TCF7L1: variants seen among roughly 807,000 people sequenced by gnomAD.
TCF7L1 encodes the protein transcription factor 7 like 1.
A neutral mutation model predicts 63.7 loss-of-function variants in TCF7L1; 18 were observed. The observed-to-expected ratio is 0.28, with a 90% CI of 0.20 to 0.42. The LOEUF (loss-of-function observed/expected upper bound fraction) is 0.42. Ranked by LOEUF, TCF7L1 falls within the 10% of genes least tolerant of loss-of-function variation. The pLI is 1.00. For synonymous variants in TCF7L1, 355 were observed against 340.9 expected (o/e 1.04, Z -0.46); for missense variants, 654 against 779.3 (o/e 0.84, Z 1.91).
chr2:85,171,562 G>A (rs1405793832), intron 3 of TCF7L1, among the ~76,000 whole-genome samples: 1 of 152,244 alleles, frequency 6.6e-6, no homozygotes, highest in East Asian at 1.9e-4. Flanking sequence ...CAGAGCTTCT[G>A]TTGTGGGTAA....
chr2:85,302,212 T>C (rs1183845212), intron 4 of TCF7L1, among the ~76,000 whole-genome samples: 1 of 152,024 alleles, frequency 6.6e-6, no homozygotes, highest in African/African-American at 2.4e-5. Flanking sequence ...GCCTGTAGTG[T>C]TTGAGATGAC....
At chr2:85,268,882 G>A (rs1037777221) in intron 3 of TCF7L1, among the ~76,000 whole-genome samples, 1 of 152,146 alleles carries the variant, frequency 6.6e-6, no homozygotes, top group Non-Finnish European at 1.5e-5. Flanking sequence ...GTGTGTGACC[G>A]ACCTGGAGGA....
intron 3 of TCF7L1, among the ~76,000 whole-genome samples, chr2:85,190,504 A>G (rs573524888): frequency 1.8e-4 from 28 of 152,184 alleles, no homozygotes; most frequent in African/African-American, 6.5e-4. Context: ...TTGGTGGTAG[A>G]TGTGGAGATG....
At chr2:85,272,280 C>T (rs1573019404) in intron 3 of TCF7L1, among the ~76,000 whole-genome samples, 1 of 152,132 alleles carries the variant, frequency 6.6e-6, no homozygotes, top group African/African-American at 2.4e-5. Flanking sequence ...GAAAATAATT[C>T]ATCTGGGGTT....
At chr2:85,300,497 A>G (rs1681943975) in intron 4 of TCF7L1, among the ~76,000 whole-genome samples, 1 of 152,226 alleles carries the variant, frequency 6.6e-6, no homozygotes, top group African/African-American at 2.4e-5. Context: ...AGCCACCAGC[A>G]GGGCCCAGCT....
chr2:85,290,372 C>T (rs544534302), intron 4 of TCF7L1, among the ~76,000 whole-genome samples: 184 of 152,210 alleles, frequency 1.2e-3, no homozygotes, highest in African/African-American at 4.3e-3. Flanking sequence ...GTTAGGGTCT[C>T]GCTATGTTGC....
At chr2:85,304,498 C>T in intron 7 of TCF7L1, 160 bp downstream of exon 7, 1 of 668,280 alleles carries the variant, frequency 1.5e-6, no homozygotes, top group Non-Finnish European at 2.5e-6. Flanking sequence ...GCGCTCCCCA[C>T]CCCCAGGTCA....
chr2:85,306,112 C>A lies in TCF7L1; in HGVS notation c.990-94C>A. On this transcript the variant is annotated intron_variant, in intron 8 of 11. Coordinates refer to ENST00000282111, the MANE Select transcript of TCF7L1 (RefSeq NM_031283.3). This position sits in a 1 kb window ranked among gnomAD's most constrained non-coding sequence, Gnocchi z 4.3. Reference sequence around the variant, plus strand: ...TAGCATCCAGGCAGCCCGCGCCCCTCCCCAGAGACAATCAGCGGTGTTTCA... The same window carrying A: ...TAGCATCCAGGCAGCCCGCGCCCCTACCCAGAGACAATCAGCGGTGTTTCA... The A allele has an allele frequency of 6.5e-7, 1 of 1,529,948 alleles. No homozygotes were observed. Among genetic ancestry groups the A allele is most frequent in the Non-Finnish European group, 8.9e-7 (1 of 1,119,630 alleles). 94.8% of individuals were successfully genotyped at this position (1,529,948 alleles called of 1,614,324 possible).
At chr2:85,253,413 G>C (rs114064587) in intron 3 of TCF7L1, among the ~76,000 whole-genome samples, 2,578 of 152,286 alleles carry the variant, frequency 0.017, 36 homozygotes, top group South Asian at 0.026. Flanking sequence ...ATTTGGTTAC[G>C]ACCTCCATGC....
chr2:85,300,212 A>T (rs929782177), intron 4 of TCF7L1, among the ~76,000 whole-genome samples: 5 of 152,064 alleles, frequency 3.3e-5, no homozygotes, highest in Non-Finnish European at 7.4e-5. Flanking sequence ...TACAGAGTTT[A>T]TGTATTTTTT....
intron 3 of TCF7L1, among the ~76,000 whole-genome samples, chr2:85,268,536 C>T (rs112058450): frequency 0.032 from 4,721 of 146,758 alleles, 248 homozygotes; most frequent in African/African-American, 0.11. Context: ...TGCAGTGGCA[C>T]GATTTCGGTT....
chr2:85,279,319 G>A (rs368891351), intron 3 of TCF7L1, among the ~76,000 whole-genome samples: 18 of 152,342 alleles, frequency 1.2e-4, no homozygotes, highest in African/African-American at 4.3e-4. Flanking sequence ...AGCACTTTGC[G>A]AGAGCAAGGC....
intron 3 of TCF7L1, among the ~76,000 whole-genome samples, chr2:85,138,376 G>T (rs1256819010): frequency 6.6e-6 from 1 of 152,174 alleles, no homozygotes; most frequent in African/African-American, 2.4e-5. Flanking sequence ...GTATGAAGAA[G>T]TTGTCTGTTT....
At chr2:85,226,105 C>G (rs1210866545) in intron 3 of TCF7L1, among the ~76,000 whole-genome samples, 1 of 152,172 alleles carries the variant, frequency 6.6e-6, no homozygotes, top group Admixed American at 6.5e-5. Context: ...GTTGAACCAG[C>G]CTTGCATCCA....
intron 3 of TCF7L1, among the ~76,000 whole-genome samples, chr2:85,229,875 G>A (rs1225237481): frequency 6.6e-6 from 1 of 152,084 alleles, no homozygotes; most frequent in East Asian, 1.9e-4. Context: ...GGACGTGGTG[G>A]CACAGGCCTA....
rs750002994 is a variant in TCF7L1, at chr2:85,153,340, A to ATATTTTTTTTTTTTTTTTTTTTTT, written c.441+18891_441+18892insATTTTTTTTTTTTTTTTTTTTTTT. Reference sequence around the variant, plus strand: ...TTCATGATCTTGCTAGCCTTTATAAATTTTTTTTTTTTTTTTTTTGAGATG... The same window carrying ATATTTTTTTTTTTTTTTTTTTTTT: ...TTCATGATCTTGCTAGCCTTTATAAATATTTTTTTTTTTTTTTTTTTTTTTTTTTTTTTTTTTTTTTTTGAGATG... On this transcript the variant is annotated intron_variant, in intron 3 of 11. Coordinates refer to ENST00000282111, the MANE Select transcript of TCF7L1 (RefSeq NM_031283.3). Among the ~76,000 whole-genome samples the ATATTTTTTTTTTTTTTTTTTTTTT allele has an allele frequency of 9.8e-5, 10 of 102,266 alleles. 2 individuals are homozygous for ATATTTTTTTTTTTTTTTTTTTTTT. The highest frequency in any genetic ancestry group is 4.2e-4 in the African/African-American group (10 of 23,748). The allele number at this position is 102,266 out of a possible 152,430, so 67.1% of individuals were successfully genotyped here.
intron 3 of TCF7L1, among the ~76,000 whole-genome samples, chr2:85,195,479 A>G (rs1165117214): frequency 1.3e-5 from 2 of 151,954 alleles, no homozygotes; most frequent in African/African-American, 4.8e-5. Flanking sequence ...ATAAGATCTC[A>G]TTACATATGA....
At chr2:85,255,551 CCTGT>C (rs1389136336) in intron 3 of TCF7L1, among the ~76,000 whole-genome samples, 1 of 152,186 alleles carries the variant, frequency 6.6e-6, no homozygotes, top group African/African-American at 2.4e-5. Flanking sequence ...GCACCTGCTT[CCTGT>C]TCTGTCCCCT....
chr2:85,269,238 T>A (rs2104354443), intron 3 of TCF7L1, among the ~76,000 whole-genome samples: 1 of 152,326 alleles, frequency 6.6e-6, no homozygotes, highest in South Asian at 2.1e-4. Flanking sequence ...TGGATGTCAC[T>A]TCCTCACATA....
Sources: allele counts gnomAD v4.1 joint callset (sites outside exome capture counted in the v4.1 genomes callset), GRCh38; gene constraint gnomAD v4.1.1; non-coding constraint Gnocchi (gnomAD v3.1); transcripts MANE v1.5; gene names NCBI Gene and HGNC (gene_info 2026-07-23, HGNC 2026-07-21).